The following RERE variants were observed in gnomAD, a reference collection of about 807,000 sequenced individuals.
The protein encoded by RERE is arginine-glutamic acid dipeptide repeats, also known as arginine-glutamic acid dipeptide repeats protein.
RERE carries 40 observed loss-of-function variants against 146.1 expected under a neutral mutation model. The ratio of observed to expected loss-of-function variants is 0.27; its 90% CI spans 0.21 to 0.36. The LOEUF (loss-of-function observed/expected upper bound fraction) is 0.36, where lower values mean the gene tolerates loss of function less well. Ranked by LOEUF, RERE falls within the 10% of genes least tolerant of loss-of-function variation. RERE has a pLI of 1.00. For missense variants in RERE, 1,933 were observed against 2,138.7 expected (o/e 0.90, Z 1.90); for synonymous variants, 1,003 against 866.0 (o/e 1.16, Z -2.78).
intron 4 of RERE, among the ~76,000 whole-genome samples, chr1:8,597,090 A>ATT (rs34498274): frequency 0.027 from 3,931 of 144,278 alleles, 70 homozygotes; most frequent in African/African-American, 0.045. Context: ...ACTGATGCTG[A>ATT]TTTTTTTTTT....
At chr1:8,614,716 T>C (rs1192527496) in intron 3 of RERE, 30 bp from the exon 4 acceptor site, 3 of 1,591,364 alleles carry the variant, frequency 1.9e-6, no homozygotes, top group Non-Finnish European at 1.7e-6. Context: ...TAAGTTAACG[T>C]GCCCAACGCC....
chr1:8,645,406 A>C (rs1647263870), intron 2 of RERE, among the ~76,000 whole-genome samples: 1 of 152,182 alleles, frequency 6.6e-6, no homozygotes, highest in Admixed American at 6.5e-5. Context: ...AGTCTGCCAC[A>C]GGTAAGTGAC....
intron 1 of RERE, among the ~76,000 whole-genome samples, chr1:8,793,318 T>C (rs977271117): frequency 9.9e-5 from 15 of 152,064 alleles, no homozygotes; most frequent in African/African-American, 3.4e-4. Context: ...CAGAAATCAC[T>C]ACAATAAGCC....
rs1382287263 is a variant in RERE at position 8,693,834 on chromosome 1, AG to A, written c.-144-37394del. On this transcript the variant is annotated intron_variant, in intron 1 of 22. Coordinates refer to ENST00000400908, the MANE Select transcript of RERE (RefSeq NM_001042681.2). ...ATGTTAATAGGGGAAACTGGGAGTT[AG>A]GGGGGATGCGGGAACTCTGTACTTT... 4.6e-5 allele frequency among the ~76,000 whole-genome samples: 7 copies of A among 152,250 alleles called. 1 individual carries two copies. Among genetic ancestry groups the A allele is most frequent in the South Asian group, 2.1e-4 (1 of 4,822 alleles).
chr1:8,720,809 A>G (rs1639850025), intron 1 of RERE, among the ~76,000 whole-genome samples: 1 of 152,164 alleles, frequency 6.6e-6, no homozygotes, highest in South Asian at 2.1e-4. Context: ...TAATCCCAAC[A>G]CTTTGGGAGG....
At chr1:8,541,387 A>G (rs1367669540) in intron 6 of RERE, 69 bp from the exon 7 acceptor site, 14 of 899,870 alleles carry the variant, frequency 1.6e-5, no homozygotes, top group Non-Finnish European at 2.0e-5. Flanking sequence ...CTGGAGGGGG[A>G]AGGGTGGAGG....
At chr1:8,705,992 T>A (rs1403631499) in intron 1 of RERE, among the ~76,000 whole-genome samples, 1 of 151,656 alleles carries the variant, frequency 6.6e-6, no homozygotes, top group Non-Finnish European at 1.5e-5. Flanking sequence ...GGCGGCCACC[T>A]GTAGTCCCAG....
intron 11 of RERE, chr1:8,465,415 G>T: frequency 3.5e-6 from 1 of 282,110 alleles, no homozygotes; most frequent in South Asian, 3.5e-5. Flanking sequence ...AGCCAAGCAT[G>T]GTAGAGCATG....
chr1:8,367,066 G>T (rs1641836827), intron 12 of RERE, among the ~76,000 whole-genome samples: 2 of 152,168 alleles, frequency 1.3e-5, no homozygotes, highest in African/African-American at 2.4e-5. Context: ...GGAGGTACCT[G>T]CACCCTCACT....
intron 8 of RERE, among the ~76,000 whole-genome samples, chr1:8,507,677 G>A (rs1012315294): frequency 6.6e-6 from 1 of 151,316 alleles, no homozygotes; most frequent in Non-Finnish European, 1.5e-5. Context: ...CCAAAGTACT[G>A]GGATTATAGG....
In RERE at chr1:8,723,379, C is replaced by T. The variant is rs531039346; in HGVS notation, c.-144-66938G>A. 2.0e-5 allele frequency among the ~76,000 whole-genome samples: 3 copies of T among 152,190 alleles called. No individual in the cohort carries two copies. The South Asian group carries it at 6.2e-4, about 32-fold the overall frequency. ...TTTTTCCCTCTAAACAGAACATAGG[C>T]ACAACCCCAGAAGTTACTCAAGAGG... is the stretch of plus-strand genomic sequence containing the variant. On this transcript the variant is annotated intron_variant, in intron 1 of 22. Coordinates refer to ENST00000400908, the MANE Select transcript of RERE (RefSeq NM_001042681.2).
intron 7 of RERE, among the ~76,000 whole-genome samples, chr1:8,515,379 C>T (rs1010844742): frequency 1.3e-5 from 2 of 151,432 alleles, no homozygotes; most frequent in Non-Finnish European, 2.9e-5. Flanking sequence ...ACAAACAGGC[C>T]GGGCGTGGTG....
intron 1 of RERE, among the ~76,000 whole-genome samples, chr1:8,756,047 C>T (rs1044487771): frequency 2.0e-5 from 3 of 152,164 alleles, no homozygotes; most frequent in Admixed American, 6.5e-5. Flanking sequence ...GTAATCCCAG[C>T]ACTTTGAGAG....
At position 8,761,357 on chromosome 1, in the gene RERE, A is replaced by G. The variant is rs187654481; in HGVS notation, c.-145+55803T>C. Among the ~76,000 whole-genome samples, 3 of 152,290 alleles carry G rather than the reference A, an allele frequency of 2.0e-5. No homozygotes were observed. In the East Asian group the frequency reaches 5.8e-4, roughly 29 times the overall value. On this transcript the variant is annotated intron_variant, in intron 1 of 22. Coordinates refer to ENST00000400908, the MANE Select transcript of RERE (RefSeq NM_001042681.2). ...ATCTTAACCTTGATGACTTCTCAAGATATTAAATATTTCCATCTGCCTAAT... is the reference window on the plus strand; with the variant it reads ...ATCTTAACCTTGATGACTTCTCAAGGTATTAAATATTTCCATCTGCCTAAT...
At position 8,497,473 on chromosome 1, in the gene RERE, T is replaced by C. The variant is rs1645060458; in HGVS notation, c.936A>G (p.Gln312=). The C allele has an allele frequency of 6.2e-7, 1 of 1,614,126 alleles. No individual in the cohort carries two copies. The highest frequency in any genetic ancestry group is 8.5e-7 in the Non-Finnish European group (1 of 1,179,982). Residue 312 remains glutamine (Q), a synonymous_variant, in exon 9 of 23, where the codon CAA becomes CAG. Transcript: ENST00000400908. ...CAGGCATCCAGACCAGTTCCTCATG[T>C]TGGGTCACTGTATCACCATCTGGAG... ...FPSPDGDTVT[Q]HEELVWMPGV...
chr1:8,599,365 T>C (rs1419806664), intron 4 of RERE, among the ~76,000 whole-genome samples: 1 of 152,208 alleles, frequency 6.6e-6, no homozygotes, highest in Non-Finnish European at 1.5e-5. Context: ...GTTCAACGTG[T>C]GTTAATCAAG....
In RERE at chr1:8,364,151, C is replaced by T. The variant is rs1372438049; in HGVS notation, c.1645G>A (p.Val549Met). The T allele has an allele frequency of 2.5e-6, 4 of 1,614,126 alleles. No homozygotes were observed. The Admixed American group carries it at 5.0e-5, about 20-fold the overall frequency. Residue 549 changes from valine to methionine, a missense_variant, in exon 15 of 23, where the codon GTG (valine) becomes ATG (methionine). Transcript: ENST00000400908. The surrounding 1 kb of genome is among the most constrained non-coding windows in gnomAD (Gnocchi z 5.1). ...YGELPPIEKP[V>M]DPPPFMFKPV... ...TTGAACATAAACGGTGGCGGGTCCA[C>T]GGGCTTCTCAATGGGCGGGAGCTCA...
chr1:8,523,495 T>C (rs1645531968), intron 7 of RERE, among the ~76,000 whole-genome samples: 2 of 152,196 alleles, frequency 1.3e-5, no homozygotes, highest in Non-Finnish European at 2.9e-5. Flanking sequence ...ATCTTTTCCA[T>C]GTTCAAGCTA....
Position 8,362,762 on chromosome 1 carries a change from G to A in RERE, c.1823C>T (p.Ser608Phe), listed in dbSNP as rs146743786. ...RTSPINEDIR[S>F]SGRNSPSAAS... Reference sequence around the variant, plus strand: ...AGCGCTGGGGGAGTTCCGGCCGCTGGAGCGGATGTCTTCATTGATGGGTGA... The same window carrying A: ...AGCGCTGGGGGAGTTCCGGCCGCTGAAGCGGATGTCTTCATTGATGGGTGA... Residue 608 changes from serine to phenylalanine, a missense_variant, in exon 16 of 23, where the codon TCC becomes TTC. Coordinates refer to ENST00000400908, the MANE Select transcript of RERE (RefSeq NM_001042681.2). The A allele has an allele frequency of 2.9e-5, 47 of 1,614,098 alleles. No individual in the cohort carries two copies. Among genetic ancestry groups the A allele is most frequent in the Non-Finnish European group, 3.9e-5 (46 of 1,180,060 alleles).
Sources: allele counts gnomAD v4.1 joint callset (sites outside exome capture counted in the v4.1 genomes callset), GRCh38; gene constraint gnomAD v4.1.1; non-coding constraint Gnocchi (gnomAD v3.1); transcripts MANE v1.5; gene names NCBI Gene and HGNC (gene_info 2026-07-23, HGNC 2026-07-21).